The following NIPSNAP1 variants were observed in gnomAD, a reference collection of about 807,000 sequenced individuals.
The protein encoded by NIPSNAP1 is nipsnap homolog 1.
A neutral mutation model predicts 49.2 loss-of-function variants in NIPSNAP1; 25 were observed. The ratio of observed to expected loss-of-function variants is 0.51; its 90% CI spans 0.37 to 0.71. The LOEUF (loss-of-function observed/expected upper bound fraction) is 0.71, where lower values mean the gene tolerates loss of function less well. NIPSNAP1 is among the 30% of genes least tolerant of loss of function. The pLI is 0.00. For missense variants in NIPSNAP1, 294 were observed against 361.0 expected, an observed-to-expected ratio of 0.81 and a Z score of 1.50; for synonymous variants, 143 against 140.7, an observed-to-expected ratio of 1.02 and a Z score of -0.12.
intron 1 of NIPSNAP1, among the ~76,000 whole-genome samples, chr22:29,576,461 G>T (rs1433910941): frequency 6.6e-6 from 1 of 151,452 alleles, no homozygotes; most frequent in African/African-American, 2.5e-5. Flanking sequence ...GGCAGCCCTA[G>T]CGGGGCAGAA....
Position 29,561,622 on chromosome 22 carries a change from G to T in NIPSNAP1, c.463C>A (p.Arg155=), listed in dbSNP as rs751022967. Reference sequence around the variant, plus strand: ...CTCCTGGACAGCAGCATCTGGCTCCGCTCCCTTCGGAACTCCAGGTACTCC... The same window carrying T: ...CTCCTGGACAGCAGCATCTGGCTCCTCTCCCTTCGGAACTCCAGGTACTCC... The part of the protein sequence containing the change: ...NKEYLEFRRE[R]SQMLLSRRNQ... The change falls in exon 6 of 10, where the codon CGG becomes AGG. Residue 155 remains arginine (R), a synonymous_variant. Transcript: ENST00000216121. 2.5e-6 allele frequency: 4 copies of T among 1,613,962 alleles called. No individual in the cohort carries two copies. Among genetic ancestry groups the T allele is most frequent in the Non-Finnish European group, 3.4e-6 (4 of 1,180,008 alleles).
intron 9 of NIPSNAP1, among the ~76,000 whole-genome samples, chr22:29,558,089 T>C (rs1484289575): frequency 6.6e-6 from 1 of 152,168 alleles, no homozygotes; most frequent in Admixed American, 6.6e-5. Flanking sequence ...ATAGTAAGAC[T>C]GCATCTCTAC....
At chr22:29,564,131 C>T in intron 4 of NIPSNAP1, 1 of 339,942 alleles carries the variant, frequency 2.9e-6, no homozygotes, top group Non-Finnish European at 5.8e-6. Flanking sequence ...GGAGGAAGGT[C>T]CCCAGGGGAT....
Position 29,558,976 on chromosome 22 carries a change from T to TTCC in NIPSNAP1, c.707-26_707-24dup, listed in dbSNP as rs756701241. 2.0e-5 allele frequency: 32 copies of TTCC among 1,572,160 alleles called. No homozygotes were observed. The African/African-American group carries it at 4.2e-4, about 21-fold the overall frequency. ...AGGCTGTGAGAAAGGCACAGGCTCATTCCTCAGGCACAGAGGACTGGATCC... is the reference window on the plus strand; with the variant it reads ...AGGCTGTGAGAAAGGCACAGGCTCATTCCTCCTCAGGCACAGAGGACTGGATCC... On this transcript the variant is annotated intron_variant, in intron 8 of 9. Transcript: ENST00000216121.
intron 1 of NIPSNAP1, among the ~76,000 whole-genome samples, chr22:29,574,313 T>C (rs695668): frequency 8.5e-4 from 82 of 96,502 alleles, no homozygotes; most frequent in African/African-American, 3.7e-3. Context: ...GAAAAGAAAA[T>C]AAATTACTTG....
At position 29,561,746 on chromosome 22, in the gene NIPSNAP1, C is replaced by T. The variant is rs1461893802; in HGVS notation, c.438+46G>A. 1.9e-6 allele frequency: 3 copies of T among 1,613,048 alleles called. No homozygotes were observed. The South Asian group carries it at 3.3e-5, about 18-fold the overall frequency. On this transcript the variant is annotated intron_variant, in intron 5 of 9. Transcript: ENST00000216121. ...GAGTAGTCCCCAGAACAGGGCTGGGCTGCATCCCACATCCAGAGAGGTGTG... is the reference window on the plus strand; with the variant it reads ...GAGTAGTCCCCAGAACAGGGCTGGGTTGCATCCCACATCCAGAGAGGTGTG...
rs925228311 is a variant in NIPSNAP1 at position 29,559,240 on chromosome 22, T to C, written c.707-287A>G. Reference sequence around the variant, plus strand: ...CATCTCTACTTTGGTGTGTCAGCATTTTTAGTGTTAACACTTCCGGCTAGG... The same window carrying C: ...CATCTCTACTTTGGTGTGTCAGCATCTTTAGTGTTAACACTTCCGGCTAGG... On this transcript the variant is annotated intron_variant, in intron 8 of 9. Coordinates refer to ENST00000216121, the MANE Select transcript of NIPSNAP1 (RefSeq NM_003634.4). Among the ~76,000 whole-genome samples, 7 of 39,928 alleles carry C rather than the reference T, an allele frequency of 1.8e-4. No individual in the cohort carries two copies. The African/African-American group carries it at 2.1e-3, about 12-fold the overall frequency. The allele number at this position is 39,928 out of a possible 152,430, so 26.2% of individuals were successfully genotyped here.
At chr22:29,577,181 C>T (rs2064459178) in intron 1 of NIPSNAP1, among the ~76,000 whole-genome samples, 1 of 151,012 alleles carries the variant, frequency 6.6e-6, no homozygotes, top group African/African-American at 2.5e-5. Context: ...CTCTATCTCC[C>T]AGACTCAAAT....
intron 1 of NIPSNAP1, among the ~76,000 whole-genome samples, chr22:29,572,208 CAGG>C (rs1330318106): frequency 2.1e-5 from 3 of 145,018 alleles, no homozygotes; most frequent in Admixed American, 7.5e-5. Flanking sequence ...GAGCATGAGG[CAGG>C]AGAATTGCTT....
At chr22:29,568,420 T>C in intron 4 of NIPSNAP1, among the ~76,000 whole-genome samples, 1 of 147,996 alleles carries the variant, frequency 6.8e-6, no homozygotes, top group East Asian at 2.0e-4. Flanking sequence ...GAGGTGGAGG[T>C]TGCAGTCAGC....
At chr22:29,573,243 G>A (rs2146614543) in intron 1 of NIPSNAP1, among the ~76,000 whole-genome samples, 1 of 152,112 alleles carries the variant, frequency 6.6e-6, no homozygotes, top group East Asian at 1.9e-4. Flanking sequence ...TACTATGTTG[G>A]CCAGGATGGT....
At chr22:29,575,445 G>A (rs931535324) in intron 1 of NIPSNAP1, among the ~76,000 whole-genome samples, 3 of 152,262 alleles carry the variant, frequency 2.0e-5, no homozygotes, top group African/African-American at 4.8e-5. Context: ...CCAAGAAGGA[G>A]CTTGTCAAAG....
At chr22:29,562,342 T>C (rs2064341528) in intron 4 of NIPSNAP1, among the ~76,000 whole-genome samples, 2 of 152,184 alleles carry the variant, frequency 1.3e-5, no homozygotes, top group South Asian at 4.1e-4. Context: ...GGATGTGTGG[T>C]ATGCTACCTC....
intron 1 of NIPSNAP1, 115 bp from the exon 2 acceptor site, chr22:29,570,647 C>T: frequency 7.3e-7 from 1 of 1,365,378 alleles, no homozygotes; most frequent in African/African-American, 1.4e-5. Context: ...GGGAACAGGG[C>T]CACGGAGTCC....
intron 9 of NIPSNAP1, among the ~76,000 whole-genome samples, chr22:29,558,656 G>A (rs535527548): frequency 1.3e-4 from 20 of 152,066 alleles, no homozygotes; most frequent in African/African-American, 2.9e-4. Flanking sequence ...AGGCAGAGGC[G>A]TGGCCCTGGC....
intron 4 of NIPSNAP1, chr22:29,564,166 G>A: frequency 2.7e-6 from 1 of 367,492 alleles, no homozygotes; most frequent in Admixed American, 3.6e-5. Context: ...AGAGCTAAGG[G>A]CAGCTGGCTG....
chr22:29,569,998 A>G (rs1487903531), intron 3 of NIPSNAP1, 164 bp downstream of exon 3: 2 of 685,450 alleles, frequency 2.9e-6, no homozygotes, highest in Admixed American at 4.9e-5. Context: ...TCAAAAAAAA[A>G]GAAAGAGAGA....
At chr22:29,560,626 G>T in intron 8 of NIPSNAP1, 108 bp downstream of exon 8, 1 of 858,290 alleles carries the variant, frequency 1.2e-6, no homozygotes, top group Non-Finnish European at 2.0e-6. Flanking sequence ...AGTGTCTCCT[G>T]CTAGAACATT....
At position 29,559,540 on chromosome 22, in the gene NIPSNAP1, G is replaced by GA. The variant is rs113517145; in HGVS notation, c.707-588dup. On this transcript the variant is annotated intron_variant, in intron 8 of 9. Coordinates refer to ENST00000216121, the MANE Select transcript of NIPSNAP1 (RefSeq NM_003634.4). ...TGACAGAGCAAGACTGTGTCTCAAA[G>GA]AAAAAAAAAAAAAGTAACAATTCCA... Among the ~76,000 whole-genome samples, 1,294 of 135,292 alleles carry GA rather than the reference G, an allele frequency of 9.6e-3. 12 individuals carry two copies. The highest frequency in any genetic ancestry group is 0.032 in the African/African-American group (1,165 of 36,938). 88.8% of individuals were successfully genotyped at this position (135,292 alleles called of 152,430 possible).
Sources: allele counts gnomAD v4.1 joint callset (sites outside exome capture counted in the v4.1 genomes callset), GRCh38; gene constraint gnomAD v4.1.1; transcripts MANE v1.5; gene names NCBI Gene and HGNC (gene_info 2026-07-23, HGNC 2026-07-21).